Variants in BLK observed in about 807,000 individuals in gnomAD.
The protein encoded by BLK is tyrosine-protein kinase Blk.
A neutral mutation model predicts 61.8 loss-of-function variants in BLK; 64 were observed. That is an observed-to-expected ratio of 1.03 (90% CI 0.85 to 1.27). BLK has a LOEUF of 1.27. BLK is among the 50% of genes most tolerant of loss of function. BLK has a pLI of 0.00. For missense variants in BLK, 853 were observed against 660.5 expected (o/e 1.29, Z -3.19); for synonymous variants, 351 against 272.0 (o/e 1.29, Z -2.86).
chr8:11,555,438 G>A lies in BLK; in HGVS notation c.726G>A (p.Arg242=), dbSNP rs1801157377. The A allele has an allele frequency of 1.2e-6, 2 of 1,614,172 alleles. No individual in the cohort carries two copies. Among genetic ancestry groups the A allele is most frequent in the Admixed American group, 1.7e-5 (1 of 60,026 alleles). The part of the protein sequence containing the change: ...DEWEIPRQSL[R]LVRKLGSGQF... ...GGGAGATCCCCCGGCAGTCTCTCAG[G>A]CTGGTCAGGAAACTCGGGTCTGGAC... Residue 242 remains arginine (R), a synonymous_variant, in exon 8 of 13, where the codon AGG becomes AGA. Coordinates refer to ENST00000259089, the MANE Select transcript of BLK (RefSeq NM_001715.3).
At position 11,557,989 on chromosome 8, in the gene BLK, A is replaced by T. The variant is rs138333004; in HGVS notation, c.980A>T (p.Asp327Val). Reference sequence around the variant, plus strand: ...TGCCTGCTGGATTTCCTGAAGACAGATGAAGGGAGCAGATTGTCACTCCCA... The same window carrying T: ...TGCCTGCTGGATTTCCTGAAGACAGTTGAAGGGAGCAGATTGTCACTCCCA... ...RGCLLDFLKT[D>V]EGSRLSLPRL... is the part of the protein sequence containing the mutation. Residue 327 changes from aspartate (D) to valine (V), a missense_variant, in exon 10 of 13, where the codon GAT (aspartate) becomes GTT (valine). Physicochemically the swap from Asp to Val is radical, Grantham distance 152. Coordinates refer to ENST00000259089, the MANE Select transcript of BLK (RefSeq NM_001715.3). 2.0e-4 allele frequency: 321 copies of T among 1,613,978 alleles called. No homozygotes were observed. The highest frequency in any genetic ancestry group is 2.3e-4 in the Non-Finnish European group (268 of 1,179,960).
At chr8:11,503,599 T>C (rs1339191439) in intron 1 of BLK, among the ~76,000 whole-genome samples, 1 of 152,212 alleles carries the variant, frequency 6.6e-6, no homozygotes, top group African/African-American at 2.4e-5. Flanking sequence ...GGTGATTTCC[T>C]GCCGTGGACC....
chr8:11,517,344 G>A (rs1191611571), intron 1 of BLK, among the ~76,000 whole-genome samples: 2 of 152,204 alleles, frequency 1.3e-5, no homozygotes, highest in East Asian at 1.9e-4. Context: ...CATTCACAGC[G>A]ATGGAAATTG....
chr8:11,518,638 C>G (rs1489929358), intron 1 of BLK, among the ~76,000 whole-genome samples: 2 of 152,122 alleles, frequency 1.3e-5, no homozygotes, highest in Non-Finnish European at 2.9e-5. Flanking sequence ...TCACCCGCAC[C>G]CCACAATCTC....
intron 1 of BLK, among the ~76,000 whole-genome samples, chr8:11,508,103 G>A (rs564893259): frequency 4.6e-5 from 7 of 152,326 alleles, no homozygotes; most frequent in Admixed American, 2.0e-4. Context: ...CACTGGCCCA[G>A]GGCTGGGAAG....
At chr8:11,544,559 G>C (rs189828963) in intron 2 of BLK, among the ~76,000 whole-genome samples, 236 of 152,228 alleles carry the variant, frequency 1.6e-3, no homozygotes, top group Non-Finnish European at 2.6e-3. Flanking sequence ...GGGAAACTTG[G>C]ACTTAGACTG....
At chr8:11,516,525 T>C (rs1192663096) in intron 1 of BLK, among the ~76,000 whole-genome samples, 1 of 152,232 alleles carries the variant, frequency 6.6e-6, no homozygotes, top group Non-Finnish European at 1.5e-5. Flanking sequence ...TTATGCATTT[T>C]CTATCTTCTC....
At chr8:11,502,147 A>C (rs1255703188) in intron 1 of BLK, among the ~76,000 whole-genome samples, 2 of 152,250 alleles carry the variant, frequency 1.3e-5, no homozygotes, top group African/African-American at 4.8e-5. Context: ...ACCTCAAAGC[A>C]TAGCTATTAT....
chr8:11,532,110 C>T (rs369401516), intron 1 of BLK, among the ~76,000 whole-genome samples: 291 of 152,134 alleles, frequency 1.9e-3, no homozygotes, highest in Middle Eastern at 6.8e-3. Flanking sequence ...TCACCTGCTT[C>T]GGCCTCCCAA....
chr8:11,500,052 AG>A (rs1798498067), intron 1 of BLK, among the ~76,000 whole-genome samples: 1 of 152,214 alleles, frequency 6.6e-6, no homozygotes. Flanking sequence ...ACTAAGGATT[AG>A]TTCCCTATCT....
At chr8:11,500,867 C>T (rs928423164) in intron 1 of BLK, among the ~76,000 whole-genome samples, 2 of 152,030 alleles carry the variant, frequency 1.3e-5, no homozygotes, top group African/African-American at 4.8e-5. Context: ...TTCTTTTATT[C>T]CTGCCATTTC....
chr8:11,506,389 C>G (rs887840663), intron 1 of BLK, among the ~76,000 whole-genome samples: 1 of 152,144 alleles, frequency 6.6e-6, no homozygotes, highest in Admixed American at 6.5e-5. Context: ...ATCCTTGTAA[C>G]TGTTGGCCAT....
At chr8:11,513,872 G>A (rs1404331782) in intron 1 of BLK, among the ~76,000 whole-genome samples, 1 of 152,206 alleles carries the variant, frequency 6.6e-6, no homozygotes, top group Admixed American at 6.5e-5. Flanking sequence ...GGGTAATGGA[G>A]CAGCTGGGCC....
At chr8:11,520,099 C>G (rs1415579826) in intron 1 of BLK, among the ~76,000 whole-genome samples, 1 of 152,120 alleles carries the variant, frequency 6.6e-6, no homozygotes, top group Non-Finnish European at 1.5e-5. Flanking sequence ...AAAAATACTT[C>G]TATAAAACAA....
chr8:11,538,954 T>C lies in BLK; in HGVS notation c.-1-4270T>C, dbSNP rs73209295. On this transcript the variant is annotated intron_variant, in intron 1 of 12. Coordinates refer to ENST00000259089, the MANE Select transcript of BLK (RefSeq NM_001715.3). Reference sequence around the variant, plus strand: ...TTAGTATTAAAGAATTTAAGAAATATATACAATTAAAAGAAAGAAAGTCAA... The same window carrying C: ...TTAGTATTAAAGAATTTAAGAAATACATACAATTAAAAGAAAGAAAGTCAA... Among the ~76,000 whole-genome samples the C allele has an allele frequency of 8.6e-3, 1,303 of 152,258 alleles. 10 individuals carry two copies. The highest frequency in any genetic ancestry group is 0.013 in the Non-Finnish European group (876 of 68,030).
chr8:11,552,696 T>C (rs1025506208), intron 6 of BLK: 1 of 152,220 alleles, frequency 6.6e-6, no homozygotes, highest in African/African-American at 2.4e-5. Context: ...GGAAATGATA[T>C]TTCAACCATT....
intron 1 of BLK, among the ~76,000 whole-genome samples, chr8:11,539,989 G>A (rs914636806): frequency 4.5e-4 from 69 of 152,060 alleles, no homozygotes; most frequent in African/African-American, 1.5e-3. Flanking sequence ...CCAATCTATT[G>A]CTTATCTACG....
intron 1 of BLK, among the ~76,000 whole-genome samples, chr8:11,518,777 C>T (rs925989414): frequency 7.2e-5 from 11 of 152,156 alleles, no homozygotes. Flanking sequence ...GCCCTGCCCT[C>T]CTCTCACCAT....
chr8:11,538,026 G>C (rs994430876), intron 1 of BLK, among the ~76,000 whole-genome samples: 1 of 151,936 alleles, frequency 6.6e-6, no homozygotes, highest in African/African-American at 2.4e-5. Flanking sequence ...CATGCACACG[G>C]TGCACATGCA....
Sources: gnomAD v4.1 joint callset for allele counts (sites outside exome capture counted in the v4.1 genomes callset) on GRCh38, gnomAD v4.1.1 for gene constraint, MANE v1.5 for transcripts, NCBI Gene and HGNC (gene_info 2026-07-23, HGNC 2026-07-21) for gene names.